Variants in DLGAP2 observed in about 807,000 individuals in gnomAD.
DLGAP2 encodes DLG associated protein 2, also known as disks large-associated protein 2.
In DLGAP2, 26 loss-of-function variants were observed where a neutral mutation model predicts 100.3. The ratio of observed to expected loss-of-function variants is 0.26; its 90% CI spans 0.19 to 0.36. The LOEUF is 0.36. DLGAP2 is among the 10% of genes least tolerant of loss of function. DLGAP2 has a pLI of 1.00. For synonymous variants in DLGAP2, 886 were observed against 630.1 expected (o/e 1.41, Z -6.08); for missense variants, 1,858 against 1,453.2 (o/e 1.28, Z -4.53).
chr8:1,078,233 C>T (rs1319939242), intron 2 of DLGAP2, among the ~76,000 whole-genome samples: 2 of 152,148 alleles, frequency 1.3e-5, no homozygotes, highest in Non-Finnish European at 2.9e-5. Flanking sequence ...GTGGCTTGCA[C>T]TGTTTTTTAA....
Position 852,667 on chromosome 8 carries a change from G to A in DLGAP2, c.19-55245G>A, listed in dbSNP as rs554374792. On this transcript the variant is annotated intron_variant, in intron 1 of 14. Coordinates refer to ENST00000637795, the MANE Select transcript of DLGAP2 (RefSeq NM_001346810.2). ...GACGGGATTTGTACTGATTATGTTC[G>A]CAGATGTCATGCTAACACCTTGGCT... Among the ~76,000 whole-genome samples, 11 of 152,226 alleles carry A rather than the reference G, an allele frequency of 7.2e-5. No homozygotes were observed. The East Asian group carries it at 2.1e-3, about 29-fold the overall frequency.
intron 2 of DLGAP2, among the ~76,000 whole-genome samples, chr8:1,255,394 G>C (rs1286722197): frequency 2.3e-5 from 3 of 130,042 alleles, no homozygotes; most frequent in African/African-American, 8.7e-5. Flanking sequence ...TGCTGTGTGT[G>C]TGTCCTCTCC....
At chr8:1,373,868 C>A (rs780184840) in intron 3 of DLGAP2, 3 of 152,294 alleles carry the variant, frequency 2.0e-5, no homozygotes, top group African/African-American at 7.2e-5. Context: ...GCAGAGAATG[C>A]TCTCCACAGT....
At chr8:1,096,994 CT>C (rs1804396764) in intron 2 of DLGAP2, among the ~76,000 whole-genome samples, 1 of 146,220 alleles carries the variant, frequency 6.8e-6, no homozygotes, top group African/African-American at 2.6e-5. Context: ...TGAGACCCAC[CT>C]CCCTGTGCTC....
intron 8 of DLGAP2, among the ~76,000 whole-genome samples, chr8:1,656,286 G>C (rs1365644564): frequency 6.6e-6 from 1 of 152,018 alleles, no homozygotes; most frequent in Non-Finnish European, 1.5e-5. Flanking sequence ...TTCCAGCCTG[G>C]GTGACAGGGC....
chr8:1,657,834 C>T (rs1317154663), intron 8 of DLGAP2, among the ~76,000 whole-genome samples: 1 of 152,090 alleles, frequency 6.6e-6, no homozygotes, highest in East Asian at 1.9e-4. Flanking sequence ...ATAAGTGAAA[C>T]AGCTTCGTTG....
chr8:1,022,295 T>C (rs1445847102), intron 2 of DLGAP2, among the ~76,000 whole-genome samples: 21 of 94,438 alleles, frequency 2.2e-4, no homozygotes, highest in Middle Eastern at 8.6e-3. Context: ...CCGAGGTAGA[T>C]GCTCCAAACA....
chr8:1,500,142 CAT>C (rs1465048111), intron 3 of DLGAP2, among the ~76,000 whole-genome samples: 3 of 152,242 alleles, frequency 2.0e-5, no homozygotes, highest in Admixed American at 6.5e-5. Context: ...TGTGTACGCA[CAT>C]GTGTCATCAT....
intron 3 of DLGAP2, among the ~76,000 whole-genome samples, chr8:1,290,324 C>A (rs1800030578): frequency 6.6e-6 from 1 of 152,326 alleles, no homozygotes; most frequent in Admixed American, 6.5e-5. Flanking sequence ...TTACAACACA[C>A]CTGCAGTTTG....
chr8:1,118,840 A>T (rs1247761930), intron 2 of DLGAP2, among the ~76,000 whole-genome samples: 1 of 152,246 alleles, frequency 6.6e-6, no homozygotes, highest in Non-Finnish European at 1.5e-5. Flanking sequence ...ACAATTTTTC[A>T]AAATAATTTG....
intron 2 of DLGAP2, among the ~76,000 whole-genome samples, chr8:1,053,192 G>A (rs1278517045): frequency 2.6e-5 from 4 of 152,180 alleles, no homozygotes; most frequent in African/African-American, 7.2e-5. Flanking sequence ...CGCGGATGTG[G>A]TGGAGTCGCA....
rs572521949 is a variant in DLGAP2 at position 1,594,732 on chromosome 8, C to A, written c.1442+28838C>A. On this transcript the variant is annotated intron_variant, in intron 6 of 14. Coordinates refer to ENST00000637795, the MANE Select transcript of DLGAP2 (RefSeq NM_001346810.2). ...AGCCACCGCGCCCGGCCAGGTCACACTCTCTTATAATGACTAATAGAACTA... is the reference window on the plus strand; with the variant it reads ...AGCCACCGCGCCCGGCCAGGTCACAATCTCTTATAATGACTAATAGAACTA... Among the ~76,000 whole-genome samples, 4 of 152,234 alleles carry A rather than the reference C, an allele frequency of 2.6e-5. No homozygotes were observed. The East Asian group carries it at 5.8e-4, about 22-fold the overall frequency.
At chr8:1,478,030 C>G (rs1466150890) in intron 3 of DLGAP2, among the ~76,000 whole-genome samples, 3 of 152,150 alleles carry the variant, frequency 2.0e-5, no homozygotes, top group African/African-American at 7.2e-5. Context: ...CTTTCATTCC[C>G]CCTACGTAAG....
At chr8:942,635 C>G (rs536151713) in intron 2 of DLGAP2, among the ~76,000 whole-genome samples, 1 of 152,334 alleles carries the variant, frequency 6.6e-6, no homozygotes, top group South Asian at 2.1e-4. Flanking sequence ...ACCTCTTCAT[C>G]CTTCATTTTC....
intron 5 of DLGAP2, among the ~76,000 whole-genome samples, chr8:1,553,181 T>C (rs537073863): frequency 1.3e-5 from 2 of 152,258 alleles, no homozygotes; most frequent in East Asian, 3.9e-4. Flanking sequence ...CCTCGGCCTC[T>C]GTCCCCGCCT....
intron 6 of DLGAP2, chr8:1,604,423 A>G (rs890446608): frequency 1.3e-5 from 2 of 152,204 alleles, no homozygotes; most frequent in Admixed American, 1.3e-4. Context: ...GGTCTGGCCC[A>G]TAGACCACCA....
intron 3 of DLGAP2, among the ~76,000 whole-genome samples, chr8:1,456,182 G>A (rs965637857): frequency 2.0e-5 from 3 of 152,126 alleles, no homozygotes; most frequent in Non-Finnish European, 4.4e-5. Context: ...AGAAAGCTGC[G>A]GATTCTGCAG....
At chr8:1,328,804 G>A (rs528794570) in intron 3 of DLGAP2, among the ~76,000 whole-genome samples, 27 of 152,348 alleles carry the variant, frequency 1.8e-4, no homozygotes, top group Non-Finnish European at 3.4e-4. Context: ...ACGTATCGGG[G>A]TGTTTATGCA....
chr8:785,988 G>A (rs1821851933), intron 1 of DLGAP2, among the ~76,000 whole-genome samples: 1 of 152,234 alleles, frequency 6.6e-6, no homozygotes, highest in Non-Finnish European at 1.5e-5. Flanking sequence ...GTGGAGGTGT[G>A]ATGTGTCACC....
Sources: allele counts gnomAD v4.1 joint callset (sites outside exome capture counted in the v4.1 genomes callset), GRCh38; gene constraint gnomAD v4.1.1; transcripts MANE v1.5; gene names NCBI Gene and HGNC (gene_info 2026-07-23, HGNC 2026-07-21).